Variants in PTPRT observed in about 807,000 individuals in gnomAD.
PTPRT encodes the protein protein tyrosine phosphatase receptor type T.
In PTPRT, 56 loss-of-function variants were observed where a neutral mutation model predicts 176.8. That is an observed-to-expected ratio of 0.32 (90% confidence interval 0.26 to 0.40). The LOEUF (loss-of-function observed/expected upper bound fraction) is 0.40. Among genes scored for constraint, PTPRT ranks in the 10% least tolerant of loss-of-function variants. PTPRT has a pLI of 1.00. For missense variants in PTPRT, 1,540 were observed against 1,908.2 expected (o/e 0.81, Z 3.60); for synonymous variants, 783 against 739.0 (o/e 1.06, Z -0.96).
intron 6 of PTPRT, among the ~76,000 whole-genome samples, chr20:42,752,236 G>T (rs1285524084): frequency 6.6e-6 from 1 of 152,108 alleles, no homozygotes; most frequent in Non-Finnish European, 1.5e-5. Flanking sequence ...CCACCCCTAT[G>T]GGCAATTTAT....
chr20:42,700,354 G>A (rs1304361304), intron 6 of PTPRT, among the ~76,000 whole-genome samples: 2 of 152,072 alleles, frequency 1.3e-5, no homozygotes, highest in African/African-American at 4.8e-5. Context: ...AAGCCTGGAG[G>A]CTGGCAGGCC....
chr20:43,024,051 C>T (rs923788513), intron 1 of PTPRT, among the ~76,000 whole-genome samples: 2 of 152,152 alleles, frequency 1.3e-5, no homozygotes, highest in African/African-American at 4.8e-5. Flanking sequence ...ACACGGGGAG[C>T]TGGGGAATGA....
At chr20:42,951,329 GATGGGCAGATGA>G (rs1445345576) in intron 1 of PTPRT, among the ~76,000 whole-genome samples, 2 of 151,664 alleles carry the variant, frequency 1.3e-5, no homozygotes, top group Non-Finnish European at 2.9e-5. Context: ...TGAGTGGATG[GATGGGCAGATGA>G]ATGGGCAGAT....
chr20:43,005,676 C>G (rs1048810808), intron 1 of PTPRT, among the ~76,000 whole-genome samples: 2 of 152,144 alleles, frequency 1.3e-5, no homozygotes, highest in African/African-American at 2.4e-5. Flanking sequence ...TGCTCTTCAC[C>G]GAATCCCCAG....
intron 7 of PTPRT, among the ~76,000 whole-genome samples, chr20:42,666,027 G>C (rs905963831): frequency 1.3e-4 from 19 of 151,812 alleles, no homozygotes; most frequent in African/African-American, 4.4e-4. Context: ...CACCAACATG[G>C]CACATGTATA....
At chr20:43,107,289 T>A (rs759123438) in intron 1 of PTPRT, among the ~76,000 whole-genome samples, 1 of 152,188 alleles carries the variant, frequency 6.6e-6, no homozygotes, top group Non-Finnish European at 1.5e-5. Context: ...CGGCTGAGGA[T>A]GGACATTTCA....
At chr20:42,819,839 G>A (rs895719910) in intron 2 of PTPRT, among the ~76,000 whole-genome samples, 5 of 152,176 alleles carry the variant, frequency 3.3e-5, no homozygotes, top group Non-Finnish European at 7.3e-5. Flanking sequence ...TTACATAATG[G>A]TAAAGGGAAC....
At chr20:42,984,166 A>G (rs1043527245) in intron 1 of PTPRT, among the ~76,000 whole-genome samples, 1 of 152,268 alleles carries the variant, frequency 6.6e-6, no homozygotes, top group African/African-American at 2.4e-5. Context: ...ATGTTCATAT[A>G]TGAATGCACA....
At chr20:42,236,593 A>ATT (rs11480202) in intron 14 of PTPRT, among the ~76,000 whole-genome samples, 23,430 of 135,546 alleles carry the variant, frequency 0.17, 2,379 homozygotes, top group Non-Finnish European at 0.22. Flanking sequence ...TGTAATTATG[A>ATT]TTTTTTTTTT....
chr20:42,372,279 CTTTTTTTT>C (rs10588893), intron 9 of PTPRT, among the ~76,000 whole-genome samples: 1 of 83,644 alleles, frequency 1.2e-5, no homozygotes, highest in Non-Finnish European at 2.2e-5. Flanking sequence ...TTTCTTAACT[CTTTTTTTT>C]TTTTTTTTTT....
At chr20:42,928,917 C>A (rs1979657555) in intron 1 of PTPRT, among the ~76,000 whole-genome samples, 1 of 152,216 alleles carries the variant, frequency 6.6e-6, no homozygotes. Context: ...CCTGTCATAT[C>A]TAACACCTTT....
At chr20:43,155,811 G>A (rs570755565) in intron 1 of PTPRT, among the ~76,000 whole-genome samples, 4 of 151,664 alleles carry the variant, frequency 2.6e-5, no homozygotes, top group Non-Finnish European at 5.9e-5. Flanking sequence ...TTTTTCTGTC[G>A]ATTTAAAAAA....
At chr20:42,491,092 A>G (rs1481183713) in intron 7 of PTPRT, among the ~76,000 whole-genome samples, 1 of 152,168 alleles carries the variant, frequency 6.6e-6, no homozygotes, top group Non-Finnish European at 1.5e-5. Context: ...TTGAAAAAAA[A>G]CTTGCTCCTG....
chr20:42,450,801 T>C (rs1234857155), intron 8 of PTPRT, among the ~76,000 whole-genome samples: 1 of 152,200 alleles, frequency 6.6e-6, no homozygotes, highest in Non-Finnish European at 1.5e-5. Flanking sequence ...AAGAGAGATG[T>C]AGTCAAATCC....
chr20:42,096,453 A>G (rs1985245461), intron 27 of PTPRT, among the ~76,000 whole-genome samples: 3 of 152,160 alleles, frequency 2.0e-5, no homozygotes, highest in Admixed American at 1.3e-4. Flanking sequence ...AAATACAAAA[A>G]TTAGTCGGGC....
chr20:43,152,997 T>C (rs2014408528), intron 1 of PTPRT, among the ~76,000 whole-genome samples: 1 of 152,200 alleles, frequency 6.6e-6, no homozygotes, highest in Non-Finnish European at 1.5e-5. Context: ...TGTTTCCCTC[T>C]TATGCTGTTG....
At chr20:42,359,298 GA>G (rs2058399809) in intron 9 of PTPRT, among the ~76,000 whole-genome samples, 1 of 152,182 alleles carries the variant, frequency 6.6e-6, no homozygotes, top group Non-Finnish European at 1.5e-5. Context: ...CAAATACAAA[GA>G]AGGCCTTGTT....
chr20:42,065,099 GC>G, the PTPRT span, among the ~76,000 whole-genome samples: 76 of 152,338 alleles, frequency 5.0e-4, no homozygotes, highest in South Asian at 3.7e-3. Context: ...TGGACATCCA[GC>G]CCAGTCAAGG....
intron 1 of PTPRT, among the ~76,000 whole-genome samples, chr20:43,184,178 C>T (rs896341010): frequency 6.6e-6 from 1 of 152,204 alleles, no homozygotes; most frequent in Non-Finnish European, 1.5e-5. Context: ...GCATCTCTTC[C>T]ACTTATGCTC....
Sources: gnomAD v4.1 joint callset for allele counts (sites outside exome capture counted in the v4.1 genomes callset) on GRCh38, gnomAD v4.1.1 for gene constraint, MANE v1.5 for transcripts, NCBI Gene and HGNC (gene_info 2026-07-23, HGNC 2026-07-21) for gene names.